Variants in CCDC178 observed in about 807,000 individuals in gnomAD.
The protein encoded by CCDC178 is coiled-coil domain containing 178, also known as coiled-coil domain-containing protein 178.
CCDC178 carries 126 observed loss-of-function variants against 117.4 expected under a neutral mutation model. The ratio of observed to expected loss-of-function variants is 1.07; its 90% CI spans 0.93 to 1.24. The LOEUF is 1.24. Ranked by LOEUF, CCDC178 falls within the 50% of genes most tolerant of loss-of-function variation. CCDC178 has a pLI of 0.00. For missense variants in CCDC178, 1,030 were observed against 986.9 expected, an observed-to-expected ratio of 1.04 and a Z score of -0.59; for synonymous variants, 283 against 313.4, an observed-to-expected ratio of 0.90 and a Z score of 1.02.
chr18:32,979,774 G>A (rs974298485), intron 21 of CCDC178, among the ~76,000 whole-genome samples: 4 of 152,136 alleles, frequency 2.6e-5, no homozygotes, highest in African/African-American at 9.7e-5. Context: ...AGACAACTGT[G>A]AAACAAGAGA....
intron 5 of CCDC178, among the ~76,000 whole-genome samples, chr18:33,387,300 T>A (rs2063505706): frequency 6.6e-6 from 1 of 152,154 alleles, no homozygotes; most frequent in Non-Finnish European, 1.5e-5. Context: ...ATTTATAGAT[T>A]CAATACTATT....
chr18:33,112,721 C>T (rs998814279), intron 20 of CCDC178, among the ~76,000 whole-genome samples: 1 of 151,870 alleles, frequency 6.6e-6, no homozygotes, highest in Admixed American at 6.6e-5. Flanking sequence ...ATTGGGGGAA[C>T]AAGATCAGCA....
At chr18:33,045,044 C>G (rs893440650) in intron 21 of CCDC178, among the ~76,000 whole-genome samples, 1 of 151,984 alleles carries the variant, frequency 6.6e-6, no homozygotes, top group Non-Finnish European at 1.5e-5. Flanking sequence ...GAAAATTTAC[C>G]TATTGAGTAT....
chr18:33,178,238 C>T (rs2058686812), intron 20 of CCDC178, among the ~76,000 whole-genome samples: 1 of 152,132 alleles, frequency 6.6e-6, no homozygotes. Context: ...GTTTCATAAG[C>T]TAGAAACCTG....
intron 2 of CCDC178, among the ~76,000 whole-genome samples, chr18:33,433,134 T>C (rs761751283): frequency 1.2e-4 from 19 of 152,196 alleles, no homozygotes; most frequent in African/African-American, 4.3e-4. Context: ...GAGGGGAGTA[T>C]TGAGTTTTCC....
At chr18:32,996,250 C>G (rs2055505815) in intron 21 of CCDC178, among the ~76,000 whole-genome samples, 1 of 151,772 alleles carries the variant, frequency 6.6e-6, no homozygotes, top group South Asian at 2.1e-4. Flanking sequence ...AATAAAGTTA[C>G]AAAACTTTAC....
At chr18:33,177,773 A>G (rs1280830214) in intron 20 of CCDC178, among the ~76,000 whole-genome samples, 1 of 152,020 alleles carries the variant, frequency 6.6e-6, no homozygotes. Flanking sequence ...CTTAACTATG[A>G]TCTATTAATT....
chr18:33,373,258 C>T (rs1419386748), intron 5 of CCDC178, among the ~76,000 whole-genome samples: 1 of 152,112 alleles, frequency 6.6e-6, no homozygotes, highest in Non-Finnish European at 1.5e-5. Context: ...CTCTCAGAGT[C>T]AGAAGTGGCT....
intron 3 of CCDC178, among the ~76,000 whole-genome samples, chr18:33,403,439 C>A (rs1288070942): frequency 6.6e-6 from 1 of 151,038 alleles, no homozygotes; most frequent in Non-Finnish European, 1.5e-5. Context: ...CACAGGTTCT[C>A]ACGTTCTATT....
chr18:33,061,963 C>A (rs2056929623), intron 21 of CCDC178, among the ~76,000 whole-genome samples: 1 of 152,004 alleles, frequency 6.6e-6, no homozygotes, highest in African/African-American at 2.4e-5. Context: ...TTTATAATCA[C>A]TTTAGAAATA....
At chr18:33,087,124 A>G (rs1273098937) in intron 21 of CCDC178, among the ~76,000 whole-genome samples, 1 of 152,104 alleles carries the variant, frequency 6.6e-6, no homozygotes. Flanking sequence ...ATCACTCTTA[A>G]GGTGTGGCTA....
chr18:33,154,291 C>T (rs566114161), intron 20 of CCDC178, among the ~76,000 whole-genome samples: 9 of 152,178 alleles, frequency 5.9e-5, no homozygotes, highest in African/African-American at 9.6e-5. Flanking sequence ...CAAAAATCAA[C>T]GGACTTCAGA....
chr18:33,101,312 T>C (rs1185586736), intron 20 of CCDC178, among the ~76,000 whole-genome samples: 1 of 151,522 alleles, frequency 6.6e-6, no homozygotes, highest in African/African-American at 2.4e-5. Flanking sequence ...CTGCTCCTCT[T>C]TTCACGGCAT....
intron 2 of CCDC178, among the ~76,000 whole-genome samples, chr18:33,416,320 T>C (rs1182116025): frequency 6.6e-6 from 1 of 151,574 alleles, no homozygotes; most frequent in African/African-American, 2.4e-5. Context: ...CCAGCTGCTC[T>C]GGAGGCTGAG....
chr18:33,133,540 C>T (rs2058090143), intron 20 of CCDC178, among the ~76,000 whole-genome samples: 1 of 151,862 alleles, frequency 6.6e-6, no homozygotes, highest in Non-Finnish European at 1.5e-5. Flanking sequence ...TTTCTTTAAT[C>T]AATTTCCACA....
At chr18:33,033,041 C>G (rs936493384) in intron 21 of CCDC178, among the ~76,000 whole-genome samples, 4 of 152,046 alleles carry the variant, frequency 2.6e-5, no homozygotes, top group African/African-American at 9.7e-5. Flanking sequence ...TCTTCACATA[C>G]GTGAGACTCA....
At chr18:33,185,131 G>A (rs2058775632) in intron 20 of CCDC178, among the ~76,000 whole-genome samples, 1 of 151,874 alleles carries the variant, frequency 6.6e-6, no homozygotes, top group Non-Finnish European at 1.5e-5. Context: ...TCCACAGAAA[G>A]GTGCACTGCA....
intron 22 of CCDC178, among the ~76,000 whole-genome samples, chr18:32,969,924 T>C (rs1041763129): frequency 2.0e-5 from 3 of 151,862 alleles, no homozygotes; most frequent in East Asian, 1.9e-4. Flanking sequence ...TAAAAAATAA[T>C]GGGAGGAGAA....
chr18:33,379,568 A>T (rs1253264231), intron 5 of CCDC178, among the ~76,000 whole-genome samples: 1 of 152,102 alleles, frequency 6.6e-6, no homozygotes, highest in African/African-American at 2.4e-5. Context: ...AAGCACTAGA[A>T]CTGAGGGAGA....
Sources: allele counts gnomAD v4.1 joint callset (sites outside exome capture counted in the v4.1 genomes callset), GRCh38; gene constraint gnomAD v4.1.1; transcripts MANE v1.5; gene names NCBI Gene and HGNC (gene_info 2026-07-23, HGNC 2026-07-21).